The following SH2D7 variants were observed in gnomAD, a reference collection of about 807,000 sequenced individuals.
SH2D7 encodes SH2 domain-containing protein 7.
Under a neutral mutation model 40.8 loss-of-function variants are expected in SH2D7, and 32 were observed. The ratio of observed to expected loss-of-function variants is 0.78; its 90% confidence interval spans 0.59 to 1.05. The LOEUF (loss-of-function observed/expected upper bound fraction) is 1.05. Among genes scored for constraint, SH2D7 ranks in the 50% least tolerant of loss-of-function variants. The pLI is 0.00. For missense variants in SH2D7, 559 were observed against 566.6 expected, an observed-to-expected ratio of 0.99 and a Z score of 0.14; for synonymous variants, 195 against 221.5, an observed-to-expected ratio of 0.88 and a Z score of 1.06.
At position 78,101,157 on chromosome 15, in the gene SH2D7, G is replaced by A. The variant is rs934486030; in HGVS notation, c.904G>A (p.Val302Met). The change falls in exon 5 of 6, where the codon GTG (valine) becomes ATG (methionine). Residue 302 changes from valine (V) to methionine (M), a missense_variant. Coordinates refer to ENST00000328828, the MANE Select transcript of SH2D7 (RefSeq NM_001101404.2). ...TGGCCTGGGGCCTGTCCTTTCTGGG[G>A]TGAGCCCAGACCAGGGTCCCACAGA... ...PDGLGPVLSG[V>M]SPDQGPTESP... 2.6e-6 allele frequency: 4 copies of A among 1,566,960 alleles called. No homozygotes were observed. The highest frequency in any genetic ancestry group is 3.4e-6 in the Non-Finnish European group (4 of 1,160,122).
chr15:78,094,522 C>T (rs2073958524), intron 2 of SH2D7, among the ~76,000 whole-genome samples: 1 of 152,116 alleles, frequency 6.6e-6, no homozygotes, highest in African/African-American at 2.4e-5. Context: ...GAGGGTATCT[C>T]TGGTAGATGG....
intron 2 of SH2D7, among the ~76,000 whole-genome samples, chr15:78,095,876 T>TG (rs2073968522): frequency 3.3e-5 from 5 of 152,212 alleles, no homozygotes; most frequent in African/African-American, 1.2e-4. Context: ...AGAGTCTCGC[T>TG]CTCTCGCTCT....
chr15:78,096,017 A>T (rs1567043345), intron 2 of SH2D7, among the ~76,000 whole-genome samples: 2 of 151,954 alleles, frequency 1.3e-5, no homozygotes, highest in Non-Finnish European at 2.9e-5. Flanking sequence ...TAATTTTTGT[A>T]TTTTTAGTAG....
At chr15:78,100,746 G>T (rs915811378) in intron 4 of SH2D7, among the ~76,000 whole-genome samples, 153 bp from the exon 5 acceptor site, 4 of 152,112 alleles carry the variant, frequency 2.6e-5, no homozygotes, top group African/African-American at 9.7e-5. Flanking sequence ...GCGCTGGAAG[G>T]GACCCTGAGT....
At chr15:78,099,773 C>G (rs1455097475) in intron 4 of SH2D7, among the ~76,000 whole-genome samples, 1 of 152,070 alleles carries the variant, frequency 6.6e-6, no homozygotes, top group African/African-American at 2.4e-5. Context: ...TTCAGTGAGG[C>G]CTTTTCATTG....
At position 78,098,697 on chromosome 15, in the gene SH2D7, C is replaced by A. The variant is rs570367330; in HGVS notation, c.645+101C>A. On this transcript the variant is annotated intron_variant, in intron 4 of 5. Transcript: ENST00000328828. ...CTGAGGCCAGGCCAGCCACTCCCTC[C>A]GGCTGTGGAGGGTGAGCCAGGCCCA... 2.9e-6 allele frequency: 4 copies of A among 1,370,234 alleles called. No individual in the cohort carries two copies. The African/African-American group carries it at 5.8e-5, about 20-fold the overall frequency. 84.9% of individuals were successfully genotyped at this position (1,370,234 alleles called of 1,614,324 possible). A position where few individuals can be genotyped will look rare whatever the true frequency, so the allele number is the denominator to read the frequency against.
chr15:78,092,825 T>G (rs2073948058), intron 1 of SH2D7, 65 bp downstream of exon 1: 1 of 1,496,662 alleles, frequency 6.7e-7, no homozygotes, highest in African/African-American at 1.4e-5. Flanking sequence ...GAAAATGGTC[T>G]GGGAACTCTG....
At chr15:78,091,102 ACTC>A (rs2073938289), upstream of SH2D7, 1 of 152,052 alleles carries the variant, frequency 6.6e-6, no homozygotes, top group Admixed American at 6.6e-5. Context: ...CTGGCCATGA[ACTC>A]CTGGCCTCAA....
rs2073961370 is a variant in SH2D7, at chr15:78,094,919, T to A, written c.266+718T>A. Among the ~76,000 whole-genome samples, 2 of 152,252 alleles carry A rather than the reference T, an allele frequency of 1.3e-5. 1 individual carries two copies. The highest frequency in any genetic ancestry group is 4.1e-4 in the South Asian group (2 of 4,822). Reference sequence around the variant, plus strand: ...GAGGACAAAGGCAAAGATGGTGATGTCAGATCTTGTCCCAAGAGTAGGTTG... The same window carrying A: ...GAGGACAAAGGCAAAGATGGTGATGACAGATCTTGTCCCAAGAGTAGGTTG... On this transcript the variant is annotated intron_variant, in intron 2 of 5. Transcript: ENST00000328828.
rs572332088 is a variant in SH2D7, at chr15:78,096,247, C to T, written c.267-1682C>T. On this transcript the variant is annotated intron_variant, in intron 2 of 5. Coordinates refer to ENST00000328828, the MANE Select transcript of SH2D7 (RefSeq NM_001101404.2). The stretch of plus-strand genomic sequence containing the variant: ...TATCTATTAGAATACAAATATCTAA[C>T]AAAGGACTCAAATCCAGAATATATA... Among the ~76,000 whole-genome samples, 5 of 152,264 alleles carry T rather than the reference C, an allele frequency of 3.3e-5. No individual in the cohort carries two copies. In the East Asian group the frequency reaches 9.6e-4, roughly 29 times the overall value.
At chr15:78,101,689 G>A (rs2141875324) in intron 5 of SH2D7, 131 bp downstream of exon 5, 1 of 1,127,528 alleles carries the variant, frequency 8.9e-7, no homozygotes, top group East Asian at 2.6e-5. Context: ...GAATTTTCCA[G>A]CCCTAATATC....
At chr15:78,093,058 G>A (rs1317165544) in intron 1 of SH2D7, among the ~76,000 whole-genome samples, 2 of 152,204 alleles carry the variant, frequency 1.3e-5, no homozygotes, top group Admixed American at 1.3e-4. Context: ...AGTAACTAGG[G>A]GACCATATCT....
intron 5 of SH2D7, among the ~76,000 whole-genome samples, chr15:78,102,962 C>T (rs1460294364): frequency 6.6e-6 from 1 of 152,092 alleles, no homozygotes; most frequent in East Asian, 1.9e-4. Context: ...CAGGGCTGTG[C>T]CCACACACCC....
At chr15:78,092,436 C>G (rs77650663), upstream of SH2D7, 2,141 of 848,930 alleles carry the variant, frequency 2.5e-3, 32 homozygotes, top group African/African-American at 0.032. Context: ...GAGGAGAGAA[C>G]CAGCCACCAG....
rs1162263342 is a variant in SH2D7 at position 78,103,519 on chromosome 15, C to T, written c.*4C>T. 1.3e-6 allele frequency: 2 copies of T among 1,562,700 alleles called. No homozygotes were observed. The highest frequency in any genetic ancestry group is 1.7e-6 in the Non-Finnish European group (2 of 1,152,716). The stretch of plus-strand genomic sequence containing the variant: ...GTACAGGAAGCACAAATTCTGAGGG[C>T]CTGGCATCCGGCAGCCCACCAGTGG... On this transcript the variant is annotated 3_prime_UTR_variant, in exon 6 of 6. Transcript: ENST00000328828.
Position 78,101,295 on chromosome 15 carries a change from G to T in SH2D7, c.1042G>T (p.Ala348Ser). The change falls in exon 5 of 6, where the codon GCA (alanine) becomes TCA (serine). Residue 348 changes from alanine (A) to serine (S), a missense_variant. Ala to Ser is a moderately conservative substitution (Grantham distance 99). Coordinates refer to ENST00000328828, the MANE Select transcript of SH2D7 (RefSeq NM_001101404.2). ...TCAGCCCTGCTCCCAGGGCAGCTCT[G>T]CAGATATCTATGAGTTCATCGGGAC... is the stretch of plus-strand genomic sequence containing the variant. The part of the protein sequence containing the change: ...EAQPCSQGSS[A>S]DIYEFIGTEG... The T allele has an allele frequency of 6.2e-7, 1 of 1,612,908 alleles. No individual in the cohort carries two copies. The highest frequency in any genetic ancestry group is 8.5e-7 in the Non-Finnish European group (1 of 1,179,494).
At chr15:78,090,421 A>C (rs1163868901), upstream of SH2D7, among the ~76,000 whole-genome samples, 2 of 152,108 alleles carry the variant, frequency 1.3e-5, no homozygotes, top group East Asian at 3.9e-4. Flanking sequence ...ATAAATAAAT[A>C]AATAAGATGA....
intron 3 of SH2D7, 68 bp from the exon 4 acceptor site, chr15:78,098,316 T>A (rs1025124169): frequency 9.5e-6 from 15 of 1,572,748 alleles, no homozygotes; most frequent in Non-Finnish European, 1.2e-5. Context: ...ACCAGCAGTC[T>A]CAGGCAGGCA....
chr15:78,092,922 C>T (rs1215065665), intron 1 of SH2D7, among the ~76,000 whole-genome samples, 162 bp downstream of exon 1: 1 of 152,152 alleles, frequency 6.6e-6, no homozygotes, highest in African/African-American at 2.4e-5. Flanking sequence ...AGCGCCACAT[C>T]CTCTGGTGGT....
Sources: gnomAD v4.1 joint callset for allele counts (sites outside exome capture counted in the v4.1 genomes callset) on GRCh38, gnomAD v4.1.1 for gene constraint, MANE v1.5 for transcripts, NCBI Gene and HGNC (gene_info 2026-07-23, HGNC 2026-07-21) for gene names.